The following TMEM200B variants were observed in gnomAD, a reference collection of about 807,000 sequenced individuals.
TMEM200B encodes the protein transmembrane protein 200B.
A neutral mutation model predicts 17.6 loss-of-function variants in TMEM200B; 12 were observed. The ratio of observed to expected loss-of-function variants is 0.68; its 90% CI spans 0.44 to 1.11. The LOEUF is 1.11. Among genes scored for constraint, TMEM200B ranks in the 50% least tolerant of loss-of-function variants. The probability of loss-of-function intolerance (pLI) is 0.00; values close to 1 mark genes in which losing one functional copy is unlikely to be tolerated. For synonymous variants in TMEM200B, 234 were observed against 209.2 expected (o/e 1.12, Z -1.02); for missense variants, 456 against 447.6 (o/e 1.02, Z -0.17).
Position 29,120,713 on chromosome 1 carries a change from T to C in TMEM200B, c.*192A>G. Reference sequence around the variant, plus strand: ...GTGAAACGCACCCTCTCCAGCTCACTGAGCCCTGGTGCAGCTGGCATTTCT... The same window carrying C: ...GTGAAACGCACCCTCTCCAGCTCACCGAGCCCTGGTGCAGCTGGCATTTCT... On this transcript the variant is annotated 3_prime_UTR_variant, in exon 2 of 2. Transcript: ENST00000521452. 4 of 699,878 alleles carry C rather than the reference T, an allele frequency of 5.7e-6. No homozygotes were observed. Among genetic ancestry groups the C allele is most frequent in the Non-Finnish European group, 9.4e-6 (4 of 426,174 alleles). 43.4% of individuals were successfully genotyped at this position (699,878 alleles called of 1,614,324 possible).
Position 29,120,749 on chromosome 1 carries a change from G to A in TMEM200B, c.*156C>T. 1 of 931,894 alleles carries A rather than the reference G, an allele frequency of 1.1e-6. No homozygotes were observed. The highest frequency in any genetic ancestry group is 1.6e-6 in the Non-Finnish European group (1 of 632,820). 57.7% of individuals were successfully genotyped at this position (931,894 alleles called of 1,614,324 possible). On this transcript the variant is annotated 3_prime_UTR_variant, in exon 2 of 2. Transcript: ENST00000521452. ...GCAGCTGGCATTTCTCTGCCCGCAT[G>A]CAGGTCAGGATGCCCTTCACAGCTG...
rs143788615 is a variant in TMEM200B at position 29,121,013 on chromosome 1, G to A, written c.816C>T (p.Ala272=). Reference sequence around the variant, plus strand: ...GGTGAGCACAGTCCCGAGCTGCTGGGGCCCCAAGGAGGAGCTCCCCAAGGC... The same window carrying A: ...GGTGAGCACAGTCCCGAGCTGCTGGAGCCCCAAGGAGGAGCTCCCCAAGGC... ...DLGLGELLLG[A]PAARDCAHRS... The change falls in exon 2 of 2, where the codon GCC becomes GCT. Residue 272 remains alanine, a synonymous_variant. Coordinates refer to ENST00000521452, the MANE Select transcript of TMEM200B (RefSeq NM_001003682.4). This position sits in a 1 kb window ranked among gnomAD's most constrained non-coding sequence, Gnocchi z 5.6. The A allele has an allele frequency of 1.4e-5, 23 of 1,613,604 alleles. No individual in the cohort carries two copies. In the African/African-American group the frequency reaches 2.7e-4, roughly 19 times the overall value.
Position 29,120,788 on chromosome 1 carries a change from A to AT in TMEM200B, c.*116dup. 7.7e-7 allele frequency: 1 copy of AT among 1,290,578 alleles called. No individual in the cohort carries two copies. The highest frequency in any genetic ancestry group is 1.0e-6 in the Non-Finnish European group (1 of 953,756). 79.9% of individuals were successfully genotyped at this position (1,290,578 alleles called of 1,614,324 possible). On this transcript the variant is annotated 3_prime_UTR_variant, in exon 2 of 2. Coordinates refer to ENST00000521452, the MANE Select transcript of TMEM200B (RefSeq NM_001003682.4). ...CCTTCACAGCTGCTGTGGTCAGAGC[A>AT]TCCATCCCCAGCCTGGGATGTGACT...
rs754166058 is a variant in TMEM200B, at chr1:29,121,784, G to A, written c.45C>T (p.Ser15=). 4.3e-5 allele frequency: 54 copies of A among 1,260,246 alleles called. No homozygotes were observed. Among genetic ancestry groups the A allele is most frequent in the Non-Finnish European group, 5.2e-5 (52 of 1,004,108 alleles). The allele number at this position is 1,260,246 out of a possible 1,614,324, so 78.1% of individuals were successfully genotyped here. ...SPEECGEVRR[S]PEGRVSRLGR... ...CCAAGCGAGAGACGCGGCCCTCGGGGCTCCTCCGCACCTCCCCGCATTCTT... is the reference window on the plus strand; with the variant it reads ...CCAAGCGAGAGACGCGGCCCTCGGGACTCCTCCGCACCTCCCCGCATTCTT... The change falls in exon 2 of 2, where the codon AGC becomes AGT. Residue 15 remains serine (S), a synonymous_variant. Transcript: ENST00000521452. The surrounding 1 kb of genome is among the most constrained non-coding windows in gnomAD (Gnocchi z 5.6).
chr1:29,121,774 G>C lies in TMEM200B; in HGVS notation c.55C>G (p.Arg19Gly). 1 of 1,242,786 alleles carries C rather than the reference G, an allele frequency of 8.0e-7. No individual in the cohort carries two copies. The highest frequency in any genetic ancestry group is 1.0e-6 in the Non-Finnish European group (1 of 993,334). The allele number at this position is 1,242,786 out of a possible 1,614,324, so 77.0% of individuals were successfully genotyped here. A position where few individuals can be genotyped will look rare whatever the true frequency, so the allele number is the denominator to read the frequency against. ...CGEVRRSPEG[R>G]VSRLGRRLGR... ...AGGCGGCGGCCCAAGCGAGAGACGC[G>C]GCCCTCGGGGCTCCTCCGCACCTCC... Residue 19 changes from arginine to glycine, a missense_variant, in exon 2 of 2, where the codon CGC (arginine) becomes GGC (glycine). Coordinates refer to ENST00000521452, the MANE Select transcript of TMEM200B (RefSeq NM_001003682.4). The surrounding 1 kb of genome is among the most constrained non-coding windows in gnomAD (Gnocchi z 5.6).
In TMEM200B at chr1:29,121,448, G is replaced by T; in HGVS notation, c.381C>A (p.Phe127Leu). 1.3e-6 allele frequency: 2 copies of T among 1,534,558 alleles called. No homozygotes were observed. The highest frequency in any genetic ancestry group is 2.5e-5 in the East Asian group (1 of 40,810). ...LGPVIMGVGLFVFICANTLLY... is the reference protein window; with the variant it reads ...LGPVIMGVGLLVFICANTLLY... ...GCAGTGTGTTGGCGCAGATGAACAC[G>T]AACAGGCCGACGCCCATGATCACCG... The change falls in exon 2 of 2, where the codon TTC becomes TTA. Residue 127 changes from phenylalanine to leucine, a missense_variant. Physicochemically the swap from Phe to Leu is conservative, Grantham distance 22. Transcript: ENST00000521452. This position sits in a 1 kb window ranked among gnomAD's most constrained non-coding sequence, Gnocchi z 5.6.
rs932828782 is a variant in TMEM200B, at chr1:29,121,112, C to A, written c.717G>T (p.Thr239=). 1 of 1,613,862 alleles carries A rather than the reference C, an allele frequency of 6.2e-7. No homozygotes were observed. Among genetic ancestry groups the A allele is most frequent in the Non-Finnish European group, 8.5e-7 (1 of 1,180,020 alleles). ...PGLPPPWGPR[T]QTGHVIITVQ... ...CGGTGATGATCACATGGCCAGTCTGCGTCCGTGGACCCCAGGGTGGGGGCA... is the reference window on the plus strand; with the variant it reads ...CGGTGATGATCACATGGCCAGTCTGAGTCCGTGGACCCCAGGGTGGGGGCA... Residue 239 remains threonine, a synonymous_variant, in exon 2 of 2, where the codon ACG becomes ACT. Coordinates refer to ENST00000521452, the MANE Select transcript of TMEM200B (RefSeq NM_001003682.4). The surrounding 1 kb of genome is among the most constrained non-coding windows in gnomAD (Gnocchi z 5.6).
chr1:29,122,153 C>T (rs1314897810), intron 1 of TMEM200B, among the ~76,000 whole-genome samples: 1 of 152,152 alleles, frequency 6.6e-6, no homozygotes, highest in African/African-American at 2.4e-5. Flanking sequence ...GCAAATCTGC[C>T]GCCTGCGTCC....
rs1248218112 is a variant in TMEM200B at position 29,120,150 on chromosome 1, G to A, written c.*755C>T. On this transcript the variant is annotated 3_prime_UTR_variant, in exon 2 of 2. Coordinates refer to ENST00000521452, the MANE Select transcript of TMEM200B (RefSeq NM_001003682.4). Reference sequence around the variant, plus strand: ...AAACTCAAGTCATTTTCTAAAGTAAGTTACCCACATTGACCAAAATGCAGC... The same window carrying A: ...AAACTCAAGTCATTTTCTAAAGTAAATTACCCACATTGACCAAAATGCAGC... 2 of 152,552 alleles carry A rather than the reference G, an allele frequency of 1.3e-5. No individual in the cohort carries two copies. Among genetic ancestry groups the A allele is most frequent in the South Asian group, 2.1e-4 (1 of 4,832 alleles). The allele number at this position is 152,552 out of a possible 1,614,324, so 9.4% of individuals were successfully genotyped here. A position where few individuals can be genotyped will look rare whatever the true frequency, so the allele number is the denominator to read the frequency against.
At position 29,121,960 on chromosome 1, in the gene TMEM200B, C is replaced by T; in HGVS notation, c.-20-112G>A. 4.8e-6 allele frequency: 4 copies of T among 830,988 alleles called. No individual in the cohort carries two copies. The highest frequency in any genetic ancestry group is 6.1e-6 in the Non-Finnish European group (4 of 654,586). 51.5% of individuals were successfully genotyped at this position (830,988 alleles called of 1,614,324 possible). A position where few individuals can be genotyped will look rare whatever the true frequency, so the allele number is the denominator to read the frequency against. On this transcript the variant is annotated intron_variant, in intron 1 of 1. Transcript: ENST00000521452. The surrounding 1 kb of genome is among the most constrained non-coding windows in gnomAD (Gnocchi z 5.6). ...AGCTCCGGCCGCCCAGCCCAGGCCG[C>T]TTGGAGATCCCTGGCGGCCACCCCC... is the stretch of plus-strand genomic sequence containing the variant.
At chr1:29,123,509 C>T (rs968371270) in intron 1 of TMEM200B, among the ~76,000 whole-genome samples, 4 of 152,126 alleles carry the variant, frequency 2.6e-5, no homozygotes, top group Non-Finnish European at 4.4e-5. Context: ...CAAGGTCACC[C>T]GGAGCCCCGC....
chr1:29,121,077 G>C lies in TMEM200B; in HGVS notation c.752C>G (p.Ser251Cys). ...TGHVIITVQP[S>C]GSCIEHSKSL... ...CTTGGAATGTTCAATGCAGGAGCCA[G>C]ACGGCTGCACGGTGATGATCACATG... Residue 251 changes from serine to cysteine, a missense_variant, in exon 2 of 2, where the codon TCT becomes TGT. Physicochemically the swap from Ser to Cys is moderately radical, Grantham distance 112. Coordinates refer to ENST00000521452, the MANE Select transcript of TMEM200B (RefSeq NM_001003682.4). This position sits in a 1 kb window ranked among gnomAD's most constrained non-coding sequence, Gnocchi z 5.6. 1.9e-6 allele frequency: 3 copies of C among 1,613,884 alleles called. No homozygotes were observed. Among genetic ancestry groups the C allele is most frequent in the Non-Finnish European group, 2.5e-6 (3 of 1,180,040 alleles).
In TMEM200B at chr1:29,121,844, G is replaced by A; in HGVS notation, c.-16C>T. On this transcript the variant is annotated 5_prime_UTR_variant, in exon 2 of 2. Coordinates refer to ENST00000521452, the MANE Select transcript of TMEM200B (RefSeq NM_001003682.4). The surrounding 1 kb of genome is among the most constrained non-coding windows in gnomAD (Gnocchi z 5.6). ...CGGCCGTCATCTCGCCGTCGTCTGG[G>A]CGCTCTGCGGAGAGAAGATGGGAGG... 2 of 1,283,122 alleles carry A rather than the reference G, an allele frequency of 1.6e-6. No individual in the cohort carries two copies. The highest frequency in any genetic ancestry group is 2.0e-6 in the Non-Finnish European group (2 of 1,013,520). 79.5% of individuals were successfully genotyped at this position (1,283,122 alleles called of 1,614,324 possible). A position where few individuals can be genotyped will look rare whatever the true frequency, so the allele number is the denominator to read the frequency against.
chr1:29,121,669 C>T lies in TMEM200B; in HGVS notation c.160G>A (p.Ala54Thr), dbSNP rs778282184. 7 of 1,384,564 alleles carry T rather than the reference C, an allele frequency of 5.1e-6. No homozygotes were observed. The South Asian group carries it at 1.1e-4, about 22-fold the overall frequency. The allele number at this position is 1,384,564 out of a possible 1,614,324, so 85.8% of individuals were successfully genotyped here. ...ARLRLRSPSG[A>T]FAALGALVVL... ...ACGAGCGCCCCCAGCGCCGCGAACG[C>T]CCCCGACGGCGAGCGCAGCCGCAGC... The change falls in exon 2 of 2, where the codon GCG becomes ACG. Residue 54 changes from alanine to threonine, a missense_variant. Transcript: ENST00000521452. This position sits in a 1 kb window ranked among gnomAD's most constrained non-coding sequence, Gnocchi z 5.6.
chr1:29,122,671 C>A (rs1298289167), intron 1 of TMEM200B, among the ~76,000 whole-genome samples: 1 of 152,216 alleles, frequency 6.6e-6, no homozygotes, highest in Non-Finnish European at 1.5e-5. Flanking sequence ...CCGGCTCCCC[C>A]GTCGGCCCGG....
rs3838994 is a variant in TMEM200B, at chr1:29,119,820, AT to A, written c.*1084del. ...TGACAAAAATGAAGGAGCTTTGTAAATTTTTTTTAAAATTATGAATCATATC... is the reference window on the plus strand; with the variant it reads ...TGACAAAAATGAAGGAGCTTTGTAAATTTTTTTAAAATTATGAATCATATC... On this transcript the variant is annotated 3_prime_UTR_variant, in exon 2 of 2. Transcript: ENST00000521452. 122,004 of 152,588 alleles carry A rather than the reference AT, an allele frequency of 0.8. 49,410 individuals are homozygous for A. Among genetic ancestry groups the A allele is most frequent in the Non-Finnish European group, 0.87 (59,118 of 68,020 alleles). 9.5% of individuals were successfully genotyped at this position (152,588 alleles called of 1,614,324 possible). A position where few individuals can be genotyped will look rare whatever the true frequency, so the allele number is the denominator to read the frequency against.
At chr1:29,123,537 GA>G (rs1052399235) in intron 1 of TMEM200B, among the ~76,000 whole-genome samples, 2 of 152,080 alleles carry the variant, frequency 1.3e-5, no homozygotes, top group African/African-American at 4.8e-5. Context: ...TGCCGCGAGG[GA>G]AGCGAAAACA....
At position 29,121,887 on chromosome 1, in the gene TMEM200B, G is replaced by A; in HGVS notation, c.-20-39C>T. 3 of 1,211,376 alleles carry A rather than the reference G, an allele frequency of 2.5e-6. No individual in the cohort carries two copies. The highest frequency in any genetic ancestry group is 3.1e-6 in the Non-Finnish European group (3 of 967,528). 75.0% of individuals were successfully genotyped at this position (1,211,376 alleles called of 1,614,324 possible). A position where few individuals can be genotyped will look rare whatever the true frequency, so the allele number is the denominator to read the frequency against. On this transcript the variant is annotated intron_variant, in intron 1 of 1. Transcript: ENST00000521452. This position sits in a 1 kb window ranked among gnomAD's most constrained non-coding sequence, Gnocchi z 5.6. Reference sequence around the variant, plus strand: ...ATGGGAGGCAAGGACTGGACCGACGGGCCTCTAGCTTCAGGGCGCCAGGTT... The same window carrying A: ...ATGGGAGGCAAGGACTGGACCGACGAGCCTCTAGCTTCAGGGCGCCAGGTT...
rs1270412074 is a variant in TMEM200B, at chr1:29,121,724, G to GGAGCGC, written c.99_104dup (p.Arg34_Ser35dup). 1.7e-6 allele frequency: 2 copies of GGAGCGC among 1,210,850 alleles called. No individual in the cohort carries two copies. The highest frequency in any genetic ancestry group is 6.8e-5 in the East Asian group (2 of 29,528). 75.0% of individuals were successfully genotyped at this position (1,210,850 alleles called of 1,614,324 possible). A position where few individuals can be genotyped will look rare whatever the true frequency, so the allele number is the denominator to read the frequency against. On this transcript the variant is annotated inframe_insertion, in exon 2 of 2. Transcript: ENST00000521452. This position sits in a 1 kb window ranked among gnomAD's most constrained non-coding sequence, Gnocchi z 5.6. ...CCCGCACCCGCAGAGGCTCGGGCGG[G>GGAGCGC]GAGCGCGGGCGCCGGCGGCGGCCCA... is the stretch of plus-strand genomic sequence containing the variant.
Sources: allele counts gnomAD v4.1 joint callset (sites outside exome capture counted in the v4.1 genomes callset), GRCh38; gene constraint gnomAD v4.1.1; non-coding constraint Gnocchi (gnomAD v3.1); transcripts MANE v1.5; gene names NCBI Gene and HGNC (gene_info 2026-07-23, HGNC 2026-07-21).